The following SCUBE1 variants were observed in gnomAD, a reference collection of about 807,000 sequenced individuals.
SCUBE1 encodes the protein signal peptide, CUB domain and EGF like domain containing 1.
Under a neutral mutation model 124.4 loss-of-function variants are expected in SCUBE1, and 59 were observed. The ratio of observed to expected loss-of-function variants is 0.47; its 90% confidence interval spans 0.38 to 0.59. The LOEUF is 0.59. Ranked by LOEUF, SCUBE1 falls within the 20% of genes least tolerant of loss-of-function variation. The probability of loss-of-function intolerance (pLI) is 0.00; values close to 1 mark genes in which losing one functional copy is unlikely to be tolerated. For synonymous variants in SCUBE1, 545 were observed against 550.9 expected (o/e 0.99, Z 0.15); for missense variants, 1,150 against 1,371.2 (o/e 0.84, Z 2.55).
At chr22:43,223,624 C>T (rs1922192060) in intron 10 of SCUBE1, among the ~76,000 whole-genome samples, 1 of 152,234 alleles carries the variant, frequency 6.6e-6, no homozygotes, top group Non-Finnish European at 1.5e-5. Flanking sequence ...GCCTCTGCTA[C>T]AGCCATCAGG....
intron 3 of SCUBE1, among the ~76,000 whole-genome samples, chr22:43,314,019 T>C (rs972055669): frequency 6.6e-6 from 1 of 152,164 alleles, no homozygotes; most frequent in Non-Finnish European, 1.5e-5. Context: ...CCCAGACTTC[T>C]TGAGACAAAA....
chr22:43,286,326 C>T (rs1226810526), intron 4 of SCUBE1, among the ~76,000 whole-genome samples: 2 of 152,230 alleles, frequency 1.3e-5, no homozygotes, highest in East Asian at 3.8e-4. Context: ...GGCCTGAAGC[C>T]CCGCTGTGAG....
chr22:43,209,940 T>C (rs1029154572), intron 19 of SCUBE1, 103 bp downstream of exon 19: 1 of 1,298,394 alleles, frequency 7.7e-7, no homozygotes, highest in Non-Finnish European at 1.1e-6. Context: ...AGGGCCCTCC[T>C]CTCTGCCCTG....
chr22:43,235,452 C>T (rs147672693), intron 7 of SCUBE1, among the ~76,000 whole-genome samples: 10 of 152,092 alleles, frequency 6.6e-5, no homozygotes, highest in African/African-American at 1.2e-4. Flanking sequence ...AGCTGCTAGG[C>T]GGGGCTGGCC....
At chr22:43,209,967 GC>G in intron 19 of SCUBE1, 75 bp downstream of exon 19, 1 of 1,467,732 alleles carries the variant, frequency 6.8e-7, no homozygotes. Context: ...CAGCGATCCC[GC>G]CTGGCAGAAC....
At chr22:43,279,625 C>T (rs1924680844) in intron 4 of SCUBE1, among the ~76,000 whole-genome samples, 1 of 152,180 alleles carries the variant, frequency 6.6e-6, no homozygotes, top group South Asian at 2.1e-4. Flanking sequence ...GTTATAGAAG[C>T]AGGAATGAAG....
At chr22:43,209,500 T>C (rs572998344) in intron 19 of SCUBE1, among the ~76,000 whole-genome samples, 20 of 152,140 alleles carry the variant, frequency 1.3e-4, no homozygotes, top group Non-Finnish European at 2.6e-4. Flanking sequence ...CTCATGCCAT[T>C]CCATCCTTCA....
chr22:43,217,545 A>G (rs138996), intron 15 of SCUBE1, among the ~76,000 whole-genome samples: 111,656 of 151,848 alleles, frequency 0.74, 41,490 homozygotes, highest in African/African-American at 0.85. Context: ...AAGAGCGCGC[A>G]TGAGCCTGCG....
rs1921545502 is a variant in SCUBE1 at position 43,211,377 on chromosome 22, G to A, written c.2222-294C>T. Reference sequence around the variant, plus strand: ...CAGGGAGAGCGGGGGCGATGATGTGGCCGGAGGCGTGCGGGGGAGACAGGG... The same window carrying A: ...CAGGGAGAGCGGGGGCGATGATGTGACCGGAGGCGTGCGGGGGAGACAGGG... On this transcript the variant is annotated intron_variant, in intron 17 of 21. Transcript: ENST00000360835. This position sits in a 1 kb window ranked among gnomAD's most constrained non-coding sequence, Gnocchi z 4.5. Among the ~76,000 whole-genome samples, 1 of 152,108 alleles carries A rather than the reference G, an allele frequency of 6.6e-6. No individual in the cohort carries two copies. The highest frequency in any genetic ancestry group is 2.4e-5 in the African/African-American group (1 of 41,414).
rs1317424734 is a variant in SCUBE1, at chr22:43,227,405, C to A, written c.1176G>T (p.Arg392Ser). 1 of 1,612,366 alleles carries A rather than the reference C, an allele frequency of 6.2e-7. No homozygotes were observed. The highest frequency in any genetic ancestry group is 8.5e-7 in the Non-Finnish European group (1 of 1,179,788). ...GSYECVCPPG[R>S]RLHWNGKDCV... ...AATCCTTCCCGTTCCAGTGGAGCCG[C>A]CTCCCCGGGGGACAGACGCACTCGT... The change falls in exon 10 of 22, where the codon AGG (arginine) becomes AGT (serine). Residue 392 changes from arginine to serine, a missense_variant. Arg to Ser is a moderately radical substitution (Grantham distance 110). Coordinates refer to ENST00000360835, the MANE Select transcript of SCUBE1 (RefSeq NM_173050.5).
intron 8 of SCUBE1, among the ~76,000 whole-genome samples, chr22:43,230,021 G>A (rs1038460570): frequency 3.9e-5 from 6 of 152,198 alleles, no homozygotes; most frequent in African/African-American, 9.7e-5. Flanking sequence ...TAATATACGC[G>A]TATTTATAAA....
chr22:43,322,288 T>C (rs1299473271), intron 2 of SCUBE1, among the ~76,000 whole-genome samples: 1 of 152,074 alleles, frequency 6.6e-6, no homozygotes, highest in African/African-American at 2.4e-5. Context: ...CGGCATAGAT[T>C]TTAAAAAACT....
chr22:43,198,835 A>C lies in SCUBE1; in HGVS notation c.*5162T>G. The C allele has an allele frequency of 2.4e-6, 1 of 409,298 alleles. No individual in the cohort carries two copies. Among genetic ancestry groups the C allele is most frequent in the Non-Finnish European group, 4.9e-6 (1 of 203,170 alleles). 25.4% of individuals were successfully genotyped at this position (409,298 alleles called of 1,614,324 possible). ...GCTGTCTGGGGCAGGGTGTCTGTCT[A>C]TCTGCTGTCTGGGGAAGTGTGTCTG... On this transcript the variant is annotated 3_prime_UTR_variant, in exon 22 of 22. Coordinates refer to ENST00000360835, the MANE Select transcript of SCUBE1 (RefSeq NM_173050.5).
chr22:43,251,162 C>T (rs1279036013), intron 6 of SCUBE1, among the ~76,000 whole-genome samples: 1 of 152,202 alleles, frequency 6.6e-6, no homozygotes, highest in African/African-American at 2.4e-5. Context: ...GCTGAAGATA[C>T]ACCCCCAAGG....
In SCUBE1 at chr22:43,309,124, G is replaced by A. The variant is rs538872929; in HGVS notation, c.349+10813C>T. Among the ~76,000 whole-genome samples, 173 of 152,130 alleles carry A rather than the reference G, an allele frequency of 1.1e-3. 1 individual carries two copies. Among genetic ancestry groups the A allele is most frequent in the African/African-American group, 3.6e-3 (148 of 41,572 alleles). ...CGGCCCAGGCCCAGGCTCGCCCCCTGCACCTTCACCAGCTCCAGGTATATC... is the reference window on the plus strand; with the variant it reads ...CGGCCCAGGCCCAGGCTCGCCCCCTACACCTTCACCAGCTCCAGGTATATC... On this transcript the variant is annotated intron_variant, in intron 3 of 21. Transcript: ENST00000360835.
chr22:43,279,842 G>A (rs1252873430), intron 4 of SCUBE1, among the ~76,000 whole-genome samples: 2 of 152,208 alleles, frequency 1.3e-5, no homozygotes, highest in Non-Finnish European at 2.9e-5. Flanking sequence ...CCAAGGGGGT[G>A]GAATGCAGAG....
chr22:43,247,257 G>T (rs1291515830), intron 6 of SCUBE1, among the ~76,000 whole-genome samples: 1 of 152,230 alleles, frequency 6.6e-6, no homozygotes, highest in Non-Finnish European at 1.5e-5. Context: ...CCTCAGCTAA[G>T]CTTCTCCAGA....
Position 43,229,125 on chromosome 22 carries a change from A to G in SCUBE1, c.1031T>C (p.Phe344Ser). 1 of 1,614,026 alleles carries G rather than the reference A, an allele frequency of 6.2e-7. No homozygotes were observed. Among genetic ancestry groups the G allele is most frequent in the Non-Finnish European group, 8.5e-7 (1 of 1,180,014 alleles). ...DHICINSPGSFQCLCHRGYIL... is the reference protein window; with the variant it reads ...DHICINSPGSSQCLCHRGYIL... ...GTAGCCGCGGTGACACAGGCACTGG[A>G]AGCTGCCCGGGGAGTTGATGCAGAT... Residue 344 changes from phenylalanine (F) to serine (S), a missense_variant, in exon 9 of 22, where the codon TTC (phenylalanine) becomes TCC (serine). By Grantham distance (155) the Phe-to-Ser change is radical. This residue lies in a region of SCUBE1 where 337 missense variants were observed against 482.1 expected (regional missense o/e 0.70). Coordinates refer to ENST00000360835, the MANE Select transcript of SCUBE1 (RefSeq NM_173050.5).
chr22:43,274,385 C>T (rs59293430), intron 4 of SCUBE1, among the ~76,000 whole-genome samples: 5,112 of 152,134 alleles, frequency 0.034, 275 homozygotes, highest in African/African-American at 0.12. Context: ...TAAATGGGCA[C>T]TCTGTATTTT....
Sources: gnomAD v4.1 joint callset for allele counts (sites outside exome capture counted in the v4.1 genomes callset) on GRCh38, gnomAD v4.1.1 for gene constraint, gnomAD v4.1.1 regional missense constraint, Gnocchi (gnomAD v3.1) non-coding constraint, MANE v1.5 for transcripts, NCBI Gene and HGNC (gene_info 2026-07-23, HGNC 2026-07-21) for gene names.